Variants in RAB11FIP2 observed in about 807,000 individuals in gnomAD.
RAB11FIP2 encodes RAB11 family interacting protein 2, also known as rab11 family-interacting protein 2.
RAB11FIP2 carries 16 observed loss-of-function variants against 40.9 expected under a neutral mutation model. That is an observed-to-expected ratio of 0.39 (90% CI 0.26 to 0.59). RAB11FIP2 has a LOEUF of 0.59. Ranked by LOEUF, RAB11FIP2 falls within the 20% of genes least tolerant of loss-of-function variation. The pLI is 0.53. For synonymous variants in RAB11FIP2, 228 were observed against 213.7 expected, an observed-to-expected ratio of 1.07 and a Z score of -0.58; for missense variants, 532 against 606.2, an observed-to-expected ratio of 0.88 and a Z score of 1.28.
intron 3 of RAB11FIP2, among the ~76,000 whole-genome samples, chr10:118,019,085 A>G: frequency 6.6e-6 from 1 of 152,132 alleles, no homozygotes; most frequent in Non-Finnish European, 1.5e-5. Flanking sequence ...CTTTTATAAG[A>G]CAATGTAAAC....
chr10:118,021,739 T>C (rs572539748), intron 3 of RAB11FIP2, among the ~76,000 whole-genome samples: 107 of 152,328 alleles, frequency 7.0e-4, no homozygotes, highest in African/African-American at 2.5e-3. Flanking sequence ...GGTGCTCCTT[T>C]TTGAAACTCA....
intron 4 of RAB11FIP2, 80 bp downstream of exon 4, chr10:118,014,984 CA>C: frequency 8.0e-7 from 1 of 1,248,400 alleles, no homozygotes; most frequent in Middle Eastern, 1.9e-4. Flanking sequence ...GGCAAGAAGA[CA>C]AAGGCATTTT....
At chr10:118,022,345 C>T (rs1168378658) in intron 3 of RAB11FIP2, among the ~76,000 whole-genome samples, 1 of 152,182 alleles carries the variant, frequency 6.6e-6, no homozygotes, top group Non-Finnish European at 1.5e-5. Context: ...CCAGCCTATG[C>T]ATACTGAATA....
chr10:118,024,072 A>G (rs2133170422), intron 3 of RAB11FIP2, among the ~76,000 whole-genome samples: 1 of 150,826 alleles, frequency 6.6e-6, no homozygotes, highest in South Asian at 2.1e-4. Context: ...CCTGGGCAAC[A>G]GAGTGAGACT....
At chr10:118,037,993 T>A (rs193069071) in intron 3 of RAB11FIP2, among the ~76,000 whole-genome samples, 12 of 152,190 alleles carry the variant, frequency 7.9e-5, no homozygotes, top group Admixed American at 1.3e-4. Context: ...TACTGTTTTT[T>A]AAATCTGCAT....
At chr10:118,043,388 A>T (rs1219602089) in intron 1 of RAB11FIP2, 2 of 152,146 alleles carry the variant, frequency 1.3e-5, no homozygotes, top group Non-Finnish European at 2.9e-5. Context: ...AGCATCAATG[A>T]TTTTAACATT....
intron 3 of RAB11FIP2, among the ~76,000 whole-genome samples, chr10:118,028,224 T>C (rs1413436496): frequency 6.6e-6 from 1 of 152,046 alleles, no homozygotes; most frequent in East Asian, 1.9e-4. Flanking sequence ...TTAAGTGGTA[T>C]CAGTACTTTT....
At position 118,046,239 on chromosome 10, in the gene RAB11FIP2, T is replaced by C; in HGVS notation, c.-76A>G. 8.2e-7 allele frequency: 1 copy of C among 1,224,394 alleles called. No individual in the cohort carries two copies. The highest frequency in any genetic ancestry group is 1.2e-6 in the Non-Finnish European group (1 of 849,950). The allele number at this position is 1,224,394 out of a possible 1,614,324, so 75.8% of individuals were successfully genotyped here. The stretch of plus-strand genomic sequence containing the variant: ...CCGGAGGGAGAGCCTAATTCCTTAA[T>C]CACTGCATCCTAAGGACACTTAACG... On this transcript the variant is annotated 5_prime_UTR_variant, in exon 1 of 5. It removes the in-frame stop codon of an upstream open reading frame in the 5' UTR. Transcript: ENST00000355624.
chr10:118,023,021 G>A (rs1846299816), intron 3 of RAB11FIP2, among the ~76,000 whole-genome samples: 1 of 152,106 alleles, frequency 6.6e-6, no homozygotes, highest in African/African-American at 2.4e-5. Context: ...TTTAAGATAC[G>A]AAGAATTATT....
At chr10:118,022,108 C>T (rs1029912207) in intron 3 of RAB11FIP2, among the ~76,000 whole-genome samples, 2 of 152,228 alleles carry the variant, frequency 1.3e-5, no homozygotes, top group Non-Finnish European at 2.9e-5. Context: ...CAATCTCCTG[C>T]GCACCGAAGG....
intron 4 of RAB11FIP2, among the ~76,000 whole-genome samples, chr10:118,013,548 C>G (rs777306462): frequency 3.9e-5 from 6 of 152,120 alleles, no homozygotes; most frequent in Admixed American, 1.3e-4. Flanking sequence ...TTACTTCAAA[C>G]ATCTTATAAT....
At chr10:118,011,551 T>C (rs1846156167) in intron 4 of RAB11FIP2, among the ~76,000 whole-genome samples, 1 of 149,438 alleles carries the variant, frequency 6.7e-6, no homozygotes, top group Admixed American at 6.7e-5. Flanking sequence ...GGTATACTTT[T>C]GAAATTTCTT....
At chr10:118,035,184 T>C (rs780429515) in intron 3 of RAB11FIP2, among the ~76,000 whole-genome samples, 7 of 152,110 alleles carry the variant, frequency 4.6e-5, no homozygotes, top group Non-Finnish European at 8.8e-5. Context: ...GATGAATGCA[T>C]AGAGCAAAGC....
intron 1 of RAB11FIP2, among the ~76,000 whole-genome samples, chr10:118,043,731 C>T (rs1002172636): frequency 6.6e-6 from 1 of 152,108 alleles, no homozygotes; most frequent in Non-Finnish European, 1.5e-5. Flanking sequence ...CCTCATCACT[C>T]GAAACAGTTT....
At chr10:118,030,419 C>T (rs1846398624) in intron 3 of RAB11FIP2, among the ~76,000 whole-genome samples, 1 of 152,090 alleles carries the variant, frequency 6.6e-6, no homozygotes, top group Non-Finnish European at 1.5e-5. Flanking sequence ...TATCCAGTGT[C>T]CAGTGCCTAA....
In RAB11FIP2 at chr10:118,015,065, C is replaced by T. The variant is rs771745643; in HGVS notation, c.1311G>A (p.Pro437=). 2.7e-5 allele frequency: 43 copies of T among 1,606,238 alleles called. No individual in the cohort carries two copies. Among genetic ancestry groups the T allele is most frequent in the Admixed American group, 3.4e-5 (2 of 59,186 alleles). The change falls in exon 4 of 5, where the codon CCG becomes CCA. Residue 437 remains proline (P), a splice_region_variant and synonymous_variant. Coordinates refer to ENST00000355624, the MANE Select transcript of RAB11FIP2 (RefSeq NM_014904.3). The part of the protein sequence containing the change: ...PTSNEDLRKI[P]DSNPFDATAG... Reference sequence around the variant, plus strand: ...CCCTCTAACCCCTTCAGCAACTTACCGGGATTTTCCTGAGGTCTTCATTGC... The same window carrying T: ...CCCTCTAACCCCTTCAGCAACTTACTGGGATTTTCCTGAGGTCTTCATTGC...
rs146793744 is a variant in RAB11FIP2 at position 118,040,370 on chromosome 10, C to T, written c.549G>A (p.Thr183=). The T allele has an allele frequency of 2.5e-6, 4 of 1,613,622 alleles. No homozygotes were observed. The highest frequency in any genetic ancestry group is 2.7e-5 in the African/African-American group (2 of 74,906). The change falls in exon 2 of 5, where the codon ACG becomes ACA. Residue 183 remains threonine (T), a synonymous_variant. Coordinates refer to ENST00000355624, the MANE Select transcript of RAB11FIP2 (RefSeq NM_014904.3). ...GAGTACTTGGAATGATTGCAGAAGA[C>T]GTATCAGAAAATGTTCCATCATTTT... ...GRKNDGTFSD[T]SSAIIPSTHM... is the part of the protein sequence containing the mutation.
intron 3 of RAB11FIP2, among the ~76,000 whole-genome samples, chr10:118,034,439 C>T (rs774717421): frequency 1.3e-5 from 2 of 151,548 alleles, no homozygotes; most frequent in Non-Finnish European, 2.9e-5. Context: ...TGAAAAACAG[C>T]CTGGTGGTAA....
chr10:118,007,459 A>C lies in RAB11FIP2; in HGVS notation c.*1539T>G, dbSNP rs202239465. On this transcript the variant is annotated 3_prime_UTR_variant, in exon 5 of 5. Coordinates refer to ENST00000355624, the MANE Select transcript of RAB11FIP2 (RefSeq NM_014904.3). ...ATACTAAAATAAGCAAAAAAAAAAA[A>C]CCCAAACTATTATATCGGCTTTTTG... 10 of 151,828 alleles carry C rather than the reference A, an allele frequency of 6.6e-5. No individual in the cohort carries two copies. The highest frequency in any genetic ancestry group is 9.6e-5 in the African/African-American group (4 of 41,476). The allele number at this position is 151,828 out of a possible 1,614,324, so 9.4% of individuals were successfully genotyped here. A position where few individuals can be genotyped will look rare whatever the true frequency, so the allele number is the denominator to read the frequency against.
Sources: allele counts gnomAD v4.1 joint callset (sites outside exome capture counted in the v4.1 genomes callset), GRCh38; gene constraint gnomAD v4.1.1; transcripts MANE v1.5; gene names NCBI Gene and HGNC (gene_info 2026-07-23, HGNC 2026-07-21).